IAPP: variants seen among roughly 807,000 people sequenced by gnomAD.
IAPP encodes Islet amyloid polypeptide (diabetes-associated peptide; amylin).
In IAPP, 4 loss-of-function variants were observed where a neutral mutation model predicts 2.9. The observed-to-expected ratio is 1.39, with a 90% confidence interval of 0.69 to 3.19. The LOEUF (loss-of-function observed/expected upper bound fraction) is 3.19, where lower values mean the gene tolerates loss of function less well. Ranked by LOEUF, IAPP falls within the 30% of genes most tolerant of loss-of-function variation. The pLI is 0.01. For missense variants in IAPP, 114 were observed against 105.3 expected (o/e 1.08, Z -0.36); for synonymous variants, 40 against 42.1 (o/e 0.95, Z 0.19).
chr12:21,357,375 A>C (rs768915398), intron 1 of IAPP, among the ~76,000 whole-genome samples: 2 of 152,204 alleles, frequency 1.3e-5, no homozygotes, highest in Non-Finnish European at 2.9e-5. Context: ...CAAGATTGCC[A>C]GCAAACTACC....
chr12:21,362,010 G>C (rs182486959), intron 1 of IAPP, among the ~76,000 whole-genome samples: 2 of 152,146 alleles, frequency 1.3e-5, no homozygotes, highest in African/African-American at 4.8e-5. Context: ...ACCTAGCGGG[G>C]AAGGCCAACA....
At chr12:21,368,090 C>T (rs1416190971), upstream of IAPP, among the ~76,000 whole-genome samples, 7 of 152,056 alleles carry the variant, frequency 4.6e-5, no homozygotes, top group African/African-American at 1.2e-4. Flanking sequence ...TCAGAATGAA[C>T]AACTTGCCTG....
upstream of IAPP, among the ~76,000 whole-genome samples, chr12:21,371,056 G>A (rs796632549): frequency 2.2e-4 from 34 of 152,292 alleles, no homozygotes; most frequent in East Asian, 9.6e-4. Context: ...AGCTTACGGC[G>A]GTTTTGCAGT....
intron 1 of IAPP, among the ~76,000 whole-genome samples, chr12:21,362,433 C>T (rs1938986087): frequency 6.6e-6 from 1 of 152,124 alleles, no homozygotes; most frequent in South Asian, 2.1e-4. Context: ...CGGTACGAGC[C>T]ACTGCAAAAA....
intron 1 of IAPP, among the ~76,000 whole-genome samples, chr12:21,356,647 G>A (rs961768236): frequency 6.6e-6 from 1 of 152,110 alleles, no homozygotes; most frequent in Non-Finnish European, 1.5e-5. Context: ...GTAAAGATAT[G>A]AGTGTTATAC....
chr12:21,366,130 C>G (rs956839861), intron 1 of IAPP, among the ~76,000 whole-genome samples: 34 of 152,242 alleles, frequency 2.2e-4, no homozygotes, highest in Admixed American at 2.1e-3. Flanking sequence ...TTCACAACAG[C>G]AAAGACTTGG....
intron 2 of IAPP, among the ~76,000 whole-genome samples, chr12:21,376,950 A>C (rs1345320047): frequency 6.6e-6 from 1 of 152,192 alleles, no homozygotes; most frequent in Non-Finnish European, 1.5e-5. Context: ...AAGAGGAAGC[A>C]ATGTTATTAT....
At chr12:21,372,428 G>T (rs1409831821), upstream of IAPP, among the ~76,000 whole-genome samples, 6 of 152,054 alleles carry the variant, frequency 3.9e-5, no homozygotes, top group South Asian at 2.1e-4. Context: ...CATTGTAAAT[G>T]ACTTTTGATT....
chr12:21,364,386 T>C (rs1037393378), intron 1 of IAPP, among the ~76,000 whole-genome samples: 1 of 152,204 alleles, frequency 6.6e-6, no homozygotes, highest in Non-Finnish European at 1.5e-5. Context: ...TAGGTATTGA[T>C]GGGATGTATC....
At chr12:21,372,885 A>T (rs1468291849), upstream of IAPP, 1 of 196,666 alleles carries the variant, frequency 5.1e-6, no homozygotes, top group African/African-American at 2.4e-5. Context: ...TAAGAGCTGG[A>T]TTACTAGTTA....
At position 21,378,227 on chromosome 12, in the gene IAPP, ATGT is replaced by A. The variant is rs1940347806; in HGVS notation, c.81-8_81-6del. 6.2e-7 allele frequency: 1 copy of A among 1,613,602 alleles called. No homozygotes were observed. Among genetic ancestry groups the A allele is most frequent in the South Asian group, 1.1e-5 (1 of 91,064 alleles). On this transcript the variant is annotated splice_region_variant and splice_polypyrimidine_tract_variant and intron_variant, in intron 2 of 2. Transcript: ENST00000240652. ...GGCTCTAACTTTTCACATTTGTTCCATGTTACCAGTCATCAGGTGGAAAAGCGG... is the reference window on the plus strand; with the variant it reads ...GGCTCTAACTTTTCACATTTGTTCCATACCAGTCATCAGGTGGAAAAGCGG...
upstream of IAPP, among the ~76,000 whole-genome samples, chr12:21,372,533 A>T (rs1218295802): frequency 6.6e-6 from 1 of 152,126 alleles, no homozygotes. Context: ...TTGGGTTTAG[A>T]TATACCAAAA....
Position 21,378,450 on chromosome 12 carries a change from T to C in IAPP, c.*24T>C, listed in dbSNP as rs1319881411. Reference sequence around the variant, plus strand: ...AGAGGACAATGTAACTCTATAGTTATTGTTTTATGTTCTAGTGATTTCCTG... The same window carrying C: ...AGAGGACAATGTAACTCTATAGTTACTGTTTTATGTTCTAGTGATTTCCTG... On this transcript the variant is annotated 3_prime_UTR_variant, in exon 3 of 3. Coordinates refer to ENST00000240652, the MANE Select transcript of IAPP (RefSeq NM_000415.3). 1.3e-6 allele frequency: 2 copies of C among 1,567,766 alleles called. No homozygotes were observed. Among genetic ancestry groups the C allele is most frequent in the Non-Finnish European group, 8.8e-7 (1 of 1,137,682 alleles).
chr12:21,369,175 TAGGA>T (rs1428256468), upstream of IAPP, among the ~76,000 whole-genome samples: 1 of 152,220 alleles, frequency 6.6e-6, no homozygotes, highest in Non-Finnish European at 1.5e-5. Context: ...TAAAATGTGA[TAGGA>T]AGAAGATTAA....
chr12:21,355,726 T>C (rs910095918), intron 1 of IAPP, among the ~76,000 whole-genome samples: 3 of 152,100 alleles, frequency 2.0e-5, no homozygotes, highest in African/African-American at 4.8e-5. Flanking sequence ...TAAACAAAAA[T>C]CAAACTACTG....
chr12:21,356,291 A>G (rs1938357894), intron 1 of IAPP, among the ~76,000 whole-genome samples: 1 of 152,030 alleles, frequency 6.6e-6, no homozygotes, highest in Non-Finnish European at 1.5e-5. Flanking sequence ...CATTATTAAT[A>G]TGACAGAAGT....
intron 1 of IAPP, among the ~76,000 whole-genome samples, chr12:21,356,053 G>C (rs1212912745): frequency 6.6e-6 from 1 of 151,926 alleles, no homozygotes; most frequent in African/African-American, 2.4e-5. Flanking sequence ...ATCAAATAAA[G>C]ACCCTGTATA....
Position 21,378,612 on chromosome 12 carries a change from G to C in IAPP, c.*186G>C. 1.9e-6 allele frequency: 1 copy of C among 526,938 alleles called. No individual in the cohort carries two copies. The highest frequency in any genetic ancestry group is 3.2e-5 in the Admixed American group (1 of 31,060). 32.6% of individuals were successfully genotyped at this position (526,938 alleles called of 1,614,324 possible). On this transcript the variant is annotated 3_prime_UTR_variant, in exon 3 of 3. Coordinates refer to ENST00000240652, the MANE Select transcript of IAPP (RefSeq NM_000415.3). ...ACTAAGGTCCCATAATAAAAAGATA[G>C]TATCTTTTAAAATGAAATGTTTTTG...
intron 1 of IAPP, among the ~76,000 whole-genome samples, chr12:21,360,009 G>T (rs1275216557): frequency 6.6e-6 from 1 of 151,720 alleles, no homozygotes; most frequent in Non-Finnish European, 1.5e-5. Context: ...AAATCATTAT[G>T]CTATGTAAAA....
Sources: gnomAD v4.1 joint callset for allele counts (sites outside exome capture counted in the v4.1 genomes callset) on GRCh38, gnomAD v4.1.1 for gene constraint, MANE v1.5 for transcripts, NCBI Gene and HGNC (gene_info 2026-07-23, HGNC 2026-07-21) for gene names.